The following CSK variants were observed in gnomAD, a reference collection of about 807,000 sequenced individuals.
The protein encoded by CSK is C-terminal Src kinase.
CSK carries 7 observed loss-of-function variants against 62.3 expected under a neutral mutation model. The observed-to-expected ratio is 0.11, with a 90% CI of 0.06 to 0.21. CSK has a LOEUF of 0.21. Ranked by LOEUF, CSK falls within the 10% of genes least tolerant of loss-of-function variation. The pLI, the probability that CSK is intolerant of heterozygous loss-of-function variation, is 1.00. For synonymous variants in CSK, 237 were observed against 246.0 expected, an observed-to-expected ratio of 0.96 and a Z score of 0.34; for missense variants, 294 against 613.5, an observed-to-expected ratio of 0.48 and a Z score of 5.50.
intron 1 of CSK, among the ~76,000 whole-genome samples, chr15:74,784,400 A>T (rs1187523972): frequency 6.7e-6 from 1 of 149,108 alleles, no homozygotes; most frequent in Non-Finnish European, 1.5e-5. Context: ...TTTAATTTTT[A>T]TTTTATTTTA....
chr15:74,793,776 G>C (rs936053061), intron 1 of CSK, among the ~76,000 whole-genome samples: 1 of 152,118 alleles, frequency 6.6e-6, no homozygotes, highest in East Asian at 1.9e-4. Context: ...GTAGCTGTAG[G>C]CCAGGAAGGG....
At chr15:74,789,580 CT>C (rs993394032) in intron 1 of CSK, among the ~76,000 whole-genome samples, 1 of 152,226 alleles carries the variant, frequency 6.6e-6, no homozygotes, top group Non-Finnish European at 1.5e-5. Flanking sequence ...AAATCTGAAA[CT>C]TAATTCTGCC....
In CSK at chr15:74,782,256, G is replaced by C. The variant is rs1314311644; in HGVS notation, c.-530G>C. 1 of 149,052 alleles carries C rather than the reference G, an allele frequency of 6.7e-6. No homozygotes were observed. Among genetic ancestry groups the C allele is most frequent in the East Asian group, 2.0e-4 (1 of 5,096 alleles). 9.2% of individuals were successfully genotyped at this position (149,052 alleles called of 1,614,324 possible). A position where few individuals can be genotyped will look rare whatever the true frequency, so the allele number is the denominator to read the frequency against. On this transcript the variant is annotated 5_prime_UTR_variant, in exon 1 of 13. Coordinates refer to ENST00000220003, the MANE Select transcript of CSK (RefSeq NM_004383.3). This position sits in a 1 kb window ranked among gnomAD's most constrained non-coding sequence, Gnocchi z 5.7. ...TGGGGTCCGAGCCGGGCGACCGCCC[G>C]GCTGCGCCGCCGTCGGGGCCGTAAC...
At chr15:74,795,596 C>A (rs1229908823) in intron 1 of CSK, among the ~76,000 whole-genome samples, 1 of 152,126 alleles carries the variant, frequency 6.6e-6, no homozygotes, top group African/African-American at 2.4e-5. Flanking sequence ...CAAGGGGGCT[C>A]TGGGCTGGGA....
At chr15:74,790,655 T>G (rs1310638682) in intron 1 of CSK, among the ~76,000 whole-genome samples, 1 of 152,258 alleles carries the variant, frequency 6.6e-6, no homozygotes, top group Non-Finnish European at 1.5e-5. Context: ...TGGGGTTAAC[T>G]ATAGTCCTAT....
rs146502156 is a variant in CSK at position 74,800,857 on chromosome 15, C to T, written c.657C>T (p.Val219=). ...VMLGDYRGNK[V]AVKCIKNDAT... ...TGGGCGATTACCGAGGGAACAAAGT[C>T]GCCGTCAAGTGCATTAAGAACGACG... is the stretch of plus-strand genomic sequence containing the variant. Residue 219 remains valine, a synonymous_variant, in exon 8 of 13, where the codon GTC becomes GTT. Transcript: ENST00000220003. 14 of 1,613,190 alleles carry T rather than the reference C, an allele frequency of 8.7e-6. No individual in the cohort carries two copies. The highest frequency in any genetic ancestry group is 6.7e-5 in the African/African-American group (5 of 74,920).
Position 74,798,990 on chromosome 15 carries a change from A to AGC in CSK, c.242+53_242+54insCG. 7.1e-7 allele frequency: 1 copy of AGC among 1,403,066 alleles called. No homozygotes were observed. The highest frequency in any genetic ancestry group is 1.4e-5 in the South Asian group (1 of 71,760). The allele number at this position is 1,403,066 out of a possible 1,614,324, so 86.9% of individuals were successfully genotyped here. A position where few individuals can be genotyped will look rare whatever the true frequency, so the allele number is the denominator to read the frequency against. On this transcript the variant is annotated intron_variant, in intron 4 of 12. Coordinates refer to ENST00000220003, the MANE Select transcript of CSK (RefSeq NM_004383.3). This position sits in a 1 kb window ranked among gnomAD's most constrained non-coding sequence, Gnocchi z 6.6. Reference sequence around the variant, plus strand: ...AGGGAAGGGGCCTTGGTCCTCCTGAAGGAGCATCAGGAGCAAGCAGGGAGG... The same window carrying AGC: ...AGGGAAGGGGCCTTGGTCCTCCTGAAGCGGAGCATCAGGAGCAAGCAGGGAGG...
chr15:74,793,601 T>G (rs1382291355), intron 1 of CSK, among the ~76,000 whole-genome samples: 1 of 152,200 alleles, frequency 6.6e-6, no homozygotes, highest in Non-Finnish European at 1.5e-5. Flanking sequence ...GGTTCTCATC[T>G]GCAAAATGGG....
chr15:74,801,761 C>A lies in CSK; in HGVS notation c.954C>A (p.Arg318=), dbSNP rs1358482796. ...TCGTGCATCGAGACCTGGCTGCCCG[C>A]AATGTGCTGGTGTCTGAGGACAACG... The part of the protein sequence containing the change: ...NNFVHRDLAA[R]NVLVSEDNVA... The change falls in exon 11 of 13, where the codon CGC becomes CGA. Residue 318 remains arginine, a synonymous_variant. Coordinates refer to ENST00000220003, the MANE Select transcript of CSK (RefSeq NM_004383.3). 3 of 1,613,964 alleles carry A rather than the reference C, an allele frequency of 1.9e-6. No homozygotes were observed. The highest frequency in any genetic ancestry group is 1.7e-5 in the Admixed American group (1 of 60,002).
intron 1 of CSK, among the ~76,000 whole-genome samples, chr15:74,792,304 C>T (rs1357195839): frequency 1.3e-5 from 2 of 151,958 alleles, no homozygotes; most frequent in Non-Finnish European, 2.9e-5. Flanking sequence ...GGAAGTCCCT[C>T]GGTAAAGGAG....
intron 5 of CSK, 80 bp downstream of exon 5, chr15:74,799,571 C>A: frequency 1.4e-6 from 2 of 1,410,064 alleles, no homozygotes; most frequent in Non-Finnish European, 1.9e-6. Context: ...TAGCTCCAGC[C>A]CCACTGCTTC....
intron 1 of CSK, among the ~76,000 whole-genome samples, chr15:74,786,013 T>TTTGTGTGTGTGTGTGTGTGTGTGTG: frequency 2.1e-5 from 1 of 47,816 alleles, no homozygotes; most frequent in African/African-American, 6.7e-5. Context: ...TTTTTTTTTT[T>TTTGTGTGTGTGTGTGTGTGTGTGTG]TGTGTGTGTG....
At chr15:74,789,649 A>G (rs538262129) in intron 1 of CSK, among the ~76,000 whole-genome samples, 2 of 152,126 alleles carry the variant, frequency 1.3e-5, no homozygotes, top group East Asian at 3.9e-4. Context: ...CCCCATCCTG[A>G]ACCTTCTTCA....
intron 5 of CSK, among the ~76,000 whole-genome samples, chr15:74,799,760 C>A (rs1340952220): frequency 3.3e-5 from 5 of 152,208 alleles, no homozygotes; most frequent in African/African-American, 1.2e-4. Flanking sequence ...AGGGGACCCA[C>A]CTGAGGTCCC....
At chr15:74,785,831 G>A (rs980096656) in intron 1 of CSK, among the ~76,000 whole-genome samples, 1 of 151,952 alleles carries the variant, frequency 6.6e-6, no homozygotes, top group Non-Finnish European at 1.5e-5. Context: ...CAGTGCCCTT[G>A]CCTGCCTTCC....
chr15:74,786,013 T>TTGTGTGTG (rs1555464578), intron 1 of CSK, among the ~76,000 whole-genome samples: 20 of 47,794 alleles, frequency 4.2e-4, no homozygotes, highest in Middle Eastern at 0.013. Flanking sequence ...TTTTTTTTTT[T>TTGTGTGTG]TGTGTGTGTG....
In CSK at chr15:74,798,281, C is replaced by G; in HGVS notation, c.-17C>G. The G allele has an allele frequency of 6.4e-7, 1 of 1,560,554 alleles. No individual in the cohort carries two copies. Among genetic ancestry groups the G allele is most frequent in the Non-Finnish European group, 8.7e-7 (1 of 1,153,014 alleles). On this transcript the variant is annotated 5_prime_UTR_variant, in exon 2 of 13. Coordinates refer to ENST00000220003, the MANE Select transcript of CSK (RefSeq NM_004383.3). This position sits in a 1 kb window ranked among gnomAD's most constrained non-coding sequence, Gnocchi z 6.6. ...TTGGCTTTACTGTGACTCGGGGACGCCAGAGCTCCTGAGAAGATGTCAGCA... is the reference window on the plus strand; with the variant it reads ...TTGGCTTTACTGTGACTCGGGGACGGCAGAGCTCCTGAGAAGATGTCAGCA...
Position 74,798,760 on chromosome 15 carries a change from C to T in CSK, c.129+32C>T. 6.2e-7 allele frequency: 1 copy of T among 1,607,924 alleles called. No individual in the cohort carries two copies. Among genetic ancestry groups the T allele is most frequent in the South Asian group, 1.1e-5 (1 of 90,766 alleles). ...AGGTGACGCCCACCCCACCATCCCA[C>T]TGCTGGGCCTTCCCTCTGCAGGGGG... On this transcript the variant is annotated intron_variant, in intron 3 of 12. Coordinates refer to ENST00000220003, the MANE Select transcript of CSK (RefSeq NM_004383.3). This position sits in a 1 kb window ranked among gnomAD's most constrained non-coding sequence, Gnocchi z 6.6.
In CSK at chr15:74,801,012, G is replaced by T; in HGVS notation, c.723G>T (p.Thr241=). 1 of 1,613,292 alleles carries T rather than the reference G, an allele frequency of 6.2e-7. No homozygotes were observed. Among genetic ancestry groups the T allele is most frequent in the South Asian group, 1.1e-5 (1 of 91,084 alleles). Residue 241 remains threonine, a splice_region_variant and synonymous_variant, in exon 9 of 13, where the codon ACG becomes ACT. Transcript: ENST00000220003. ...QAFLAEASVM[T]QLRHSNLVQL... ...TCTGACCACTCTCGTCCTGCCCCAG[G>T]CAACTGCGGCATAGCAACCTGGTGC... is the stretch of plus-strand genomic sequence containing the variant.
Sources: gnomAD v4.1 joint callset for allele counts (sites outside exome capture counted in the v4.1 genomes callset) on GRCh38, gnomAD v4.1.1 for gene constraint, Gnocchi (gnomAD v3.1) non-coding constraint, MANE v1.5 for transcripts, NCBI Gene and HGNC (gene_info 2026-07-23, HGNC 2026-07-21) for gene names.